Variants in XRCC4 observed in about 807,000 individuals in gnomAD.
XRCC4 encodes the protein DNA repair protein XRCC4.
Under a neutral mutation model 39.1 loss-of-function variants are expected in XRCC4, and 28 were observed. The observed-to-expected ratio is 0.72, with a 90% CI of 0.53 to 0.98. The LOEUF (loss-of-function observed/expected upper bound fraction) is 0.98, where lower values mean the gene tolerates loss of function less well. Among genes scored for constraint, XRCC4 ranks in the 50% least tolerant of loss-of-function variants. The pLI, the probability that XRCC4 is intolerant of heterozygous loss-of-function variation, is 0.00. For missense variants in XRCC4, 350 were observed against 376.4 expected (o/e 0.93, Z 0.58); for synonymous variants, 123 against 126.4 (o/e 0.97, Z 0.18).
chr5:83,164,544 G>A (rs148699259), intron 3 of XRCC4, among the ~76,000 whole-genome samples: 217 of 152,202 alleles, frequency 1.4e-3, no homozygotes, highest in African/African-American at 5.0e-3. Flanking sequence ...ATAGTGTATT[G>A]TGTACATGAC....
At chr5:83,249,638 T>C (rs1313653347) in intron 6 of XRCC4, among the ~76,000 whole-genome samples, 1 of 152,174 alleles carries the variant, frequency 6.6e-6, no homozygotes, top group Non-Finnish European at 1.5e-5. Context: ...TTCTGTTAAG[T>C]TCTTCTTCCT....
At chr5:83,344,298 A>G (rs1342524377) in intron 7 of XRCC4, among the ~76,000 whole-genome samples, 1 of 151,838 alleles carries the variant, frequency 6.6e-6, no homozygotes, top group Non-Finnish European at 1.5e-5. Context: ...GTGCAATGGC[A>G]TGATCATAGT....
chr5:83,289,851 C>G (rs750403012), intron 7 of XRCC4, among the ~76,000 whole-genome samples: 3 of 151,756 alleles, frequency 2.0e-5, no homozygotes, highest in Non-Finnish European at 4.4e-5. Flanking sequence ...GGGCATATTT[C>G]ACAATGATGA....
intron 6 of XRCC4, among the ~76,000 whole-genome samples, chr5:83,247,097 T>G (rs933239234): frequency 6.6e-6 from 1 of 152,226 alleles, no homozygotes; most frequent in African/African-American, 2.4e-5. Flanking sequence ...GCAATTCTGC[T>G]TAACCAATTT....
chr5:83,122,602 G>A (rs1276536643), intron 3 of XRCC4, among the ~76,000 whole-genome samples: 3 of 151,972 alleles, frequency 2.0e-5, no homozygotes, highest in Non-Finnish European at 4.4e-5. Flanking sequence ...TTTTATATTA[G>A]GTTTATCACT....
intron 3 of XRCC4, among the ~76,000 whole-genome samples, chr5:83,154,284 A>G (rs1748852803): frequency 6.6e-6 from 1 of 152,216 alleles, no homozygotes; most frequent in African/African-American, 2.4e-5. Context: ...CTTAGGGAAA[A>G]AAAAGGTTGT....
intron 6 of XRCC4, among the ~76,000 whole-genome samples, chr5:83,257,988 T>C (rs1473612466): frequency 6.6e-6 from 1 of 151,972 alleles, no homozygotes; most frequent in African/African-American, 2.4e-5. Flanking sequence ...AGCTGAACAA[T>C]GAGAACACAT....
chr5:83,166,463 T>G (rs1023274672), intron 3 of XRCC4, among the ~76,000 whole-genome samples: 6 of 150,840 alleles, frequency 4.0e-5, no homozygotes, highest in Non-Finnish European at 8.9e-5. Context: ...CCTGTTTGTT[T>G]TTTTTTTTTT....
intron 3 of XRCC4, among the ~76,000 whole-genome samples, chr5:83,134,094 G>A (rs576648543): frequency 6.6e-6 from 1 of 152,294 alleles, no homozygotes; most frequent in African/African-American, 2.4e-5. Context: ...TCCCATGCTT[G>A]GACCGCTGTT....
intron 7 of XRCC4, among the ~76,000 whole-genome samples, chr5:83,310,448 G>A (rs1270129133): frequency 6.6e-6 from 1 of 152,128 alleles, no homozygotes; most frequent in Non-Finnish European, 1.5e-5. Flanking sequence ...GAGCCTCCTG[G>A]CAGTACTATA....
intron 2 of XRCC4, among the ~76,000 whole-genome samples, chr5:83,108,118 C>T (rs1746285122): frequency 6.6e-6 from 1 of 151,848 alleles, no homozygotes; most frequent in South Asian, 2.1e-4. Flanking sequence ...TCATGTTGGG[C>T]TGCTCATGTT....
chr5:83,149,029 A>C (rs1268877262), intron 3 of XRCC4, among the ~76,000 whole-genome samples: 2 of 152,188 alleles, frequency 1.3e-5, no homozygotes, highest in African/African-American at 4.8e-5. Context: ...ATCCAAAGCA[A>C]GACCTTTGTT....
chr5:83,252,111 ATTATCT>A lies in XRCC4; in HGVS notation c.746-6414_746-6409del, dbSNP rs1275012622. ...GACCTTATCTCAGCCTCTTTTCTTG[ATTATCT>A]TTATACTTGTCAGTAAGACATACTA... On this transcript the variant is annotated intron_variant, in intron 6 of 7. Coordinates refer to ENST00000396027, the MANE Select transcript of XRCC4 (RefSeq NM_003401.5). Among the ~76,000 whole-genome samples the A allele has an allele frequency of 5.3e-5, 8 of 152,270 alleles. No individual in the cohort carries two copies. The South Asian group carries it at 1.0e-3, about 20-fold the overall frequency.
chr5:83,281,112 T>A (rs1292748583), intron 7 of XRCC4, among the ~76,000 whole-genome samples: 1 of 152,246 alleles, frequency 6.6e-6, no homozygotes, highest in African/African-American at 2.4e-5. Flanking sequence ...TATAAGAATA[T>A]CAAGCAATAT....
intron 7 of XRCC4, among the ~76,000 whole-genome samples, chr5:83,330,992 T>C (rs1756420955): frequency 6.6e-6 from 1 of 152,038 alleles, no homozygotes; most frequent in Non-Finnish European, 1.5e-5. Flanking sequence ...TATTTGAGAC[T>C]ATTTAAAACC....
intron 1 of XRCC4, among the ~76,000 whole-genome samples, chr5:83,098,884 ATTG>A (rs1379258094): frequency 3.9e-5 from 6 of 152,266 alleles, no homozygotes; most frequent in African/African-American, 1.4e-4. Context: ...GTTTTCCTAA[ATTG>A]TTGTGTGATT....
chr5:83,257,367 G>A (rs1476989362), intron 6 of XRCC4, among the ~76,000 whole-genome samples: 1 of 150,842 alleles, frequency 6.6e-6, no homozygotes, highest in Admixed American at 6.6e-5. Context: ...CCATTAAAAA[G>A]TGGCCGAAGG....
At chr5:83,107,974 T>C (rs779401113) in intron 2 of XRCC4, among the ~76,000 whole-genome samples, 25 of 151,882 alleles carry the variant, frequency 1.6e-4, no homozygotes, top group Non-Finnish European at 3.4e-4. Context: ...TGGCTAGTTA[T>C]ATATAGGTAT....
intron 3 of XRCC4, among the ~76,000 whole-genome samples, chr5:83,141,967 C>G (rs1226009664): frequency 6.6e-6 from 1 of 152,144 alleles, no homozygotes. Context: ...CACCTACTGT[C>G]TTCTGGAAAG....
Sources: gnomAD v4.1 joint callset for allele counts (sites outside exome capture counted in the v4.1 genomes callset) on GRCh38, gnomAD v4.1.1 for gene constraint, MANE v1.5 for transcripts, NCBI Gene and HGNC (gene_info 2026-07-23, HGNC 2026-07-21) for gene names.